HECW2: variants seen among roughly 807,000 people sequenced by gnomAD.
The protein encoded by HECW2 is HECT, C2 and WW domain containing E3 ubiquitin protein ligase 2.
A neutral mutation model predicts 175.2 loss-of-function variants in HECW2; 61 were observed. The ratio of observed to expected loss-of-function variants is 0.35; its 90% CI spans 0.28 to 0.43. The LOEUF is 0.43. Among genes scored for constraint, HECW2 ranks in the 20% least tolerant of loss-of-function variants. The pLI, the probability that HECW2 is intolerant of heterozygous loss-of-function variation, is 1.00. For missense variants in HECW2, 1,524 were observed against 2,000.5 expected (o/e 0.76, Z 4.54); for synonymous variants, 671 against 731.0 (o/e 0.92, Z 1.32).
At position 196,319,732 on chromosome 2, in the gene HECW2, G is replaced by C; in HGVS notation, c.1158C>G (p.Phe386Leu). 2.5e-6 allele frequency: 4 copies of C among 1,614,208 alleles called. No individual in the cohort carries two copies. The highest frequency in any genetic ancestry group is 3.4e-6 in the Non-Finnish European group (4 of 1,180,042). Residue 386 changes from phenylalanine to leucine, a missense_variant, in exon 9 of 29, where the codon TTC (phenylalanine) becomes TTG (leucine). Around this residue, in one of 11 missense-constraint regions of HECW2, gnomAD observed 604 missense variants for 588.3 expected, o/e 1.03. Transcript: ENST00000644978. ...SAADGTPKHS[F>L]RTSSTLEIDT... ...CTATTTCCAGAGTGGAGCTAGTCCT[G>C]AATGAATGCTTGGGGGTTCCATCGG... is the stretch of plus-strand genomic sequence containing the variant.
chr2:196,345,363 TA>T (rs1424216493), intron 2 of HECW2, among the ~76,000 whole-genome samples: 2 of 152,188 alleles, frequency 1.3e-5, no homozygotes. Context: ...TGTGCCCTGT[TA>T]AAAATACCTC....
intron 1 of HECW2, among the ~76,000 whole-genome samples, chr2:196,472,030 G>A (rs960071958): frequency 3.5e-4 from 53 of 150,004 alleles, no homozygotes; most frequent in African/African-American, 9.1e-4. Context: ...ACTTATAGAC[G>A]AATGGATATA....
At chr2:196,432,705 A>G (rs765158872) in intron 2 of HECW2, among the ~76,000 whole-genome samples, 1 of 152,190 alleles carries the variant, frequency 6.6e-6, no homozygotes, top group Non-Finnish European at 1.5e-5. Context: ...CAAAACTCAA[A>G]TTTTAGAAAA....
intron 21 of HECW2, among the ~76,000 whole-genome samples, chr2:196,231,155 T>A (rs1278598467): frequency 4.1e-5 from 6 of 148,142 alleles, no homozygotes; most frequent in Non-Finnish European, 8.9e-5. Context: ...GATTAAAATT[T>A]CACTTTTTGA....
intron 2 of HECW2, among the ~76,000 whole-genome samples, chr2:196,392,324 T>A (rs1368670532): frequency 2.0e-5 from 3 of 152,166 alleles, no homozygotes; most frequent in African/African-American, 4.8e-5. Context: ...CTATGCAGCT[T>A]CCACTATTCA....
At chr2:196,317,536 G>A (rs1420585910) in intron 9 of HECW2, among the ~76,000 whole-genome samples, 167 bp from the exon 10 acceptor site, 1 of 152,136 alleles carries the variant, frequency 6.6e-6, no homozygotes, top group Non-Finnish European at 1.5e-5. Context: ...GGAGGTGAAT[G>A]CTTAGAAGAG....
intron 2 of HECW2, among the ~76,000 whole-genome samples, chr2:196,346,951 T>G (rs1337153859): frequency 3.5e-5 from 5 of 141,140 alleles, no homozygotes; most frequent in African/African-American, 5.4e-5. Context: ...GAGTTTGCAG[T>G]GAGCCGAGAT....
At chr2:196,419,702 G>T (rs1695356721) in intron 2 of HECW2, among the ~76,000 whole-genome samples, 1 of 152,192 alleles carries the variant, frequency 6.6e-6, no homozygotes, top group Admixed American at 6.5e-5. Context: ...GTTTGTTGGG[G>T]ATGTGTGTAG....
chr2:196,420,402 C>A (rs896102336), intron 2 of HECW2, among the ~76,000 whole-genome samples: 2 of 152,156 alleles, frequency 1.3e-5, no homozygotes, highest in Admixed American at 1.3e-4. Flanking sequence ...TCAAAGATTG[C>A]AAGCGTAAGA....
chr2:196,358,944 A>C (rs1407566881), intron 2 of HECW2, among the ~76,000 whole-genome samples: 1 of 152,172 alleles, frequency 6.6e-6, no homozygotes, highest in Non-Finnish European at 1.5e-5. Flanking sequence ...AAGGTCACTC[A>C]AAGCTTAAAA....
At position 196,482,297 on chromosome 2, in the gene HECW2, G is replaced by A. The variant is rs187071696; in HGVS notation, c.-35-48839C>T. 7.5e-4 allele frequency among the ~76,000 whole-genome samples: 115 copies of A among 152,326 alleles called. 1 individual carries two copies. The highest frequency in any genetic ancestry group is 2.5e-3 in the African/African-American group (104 of 41,574). ...CCCTTCTGCAAGTTATTGGACTGAC[G>A]GTGCCAACCCAGAGGTGGCGGGCCT... On this transcript the variant is annotated intron_variant, in intron 1 of 28. Transcript: ENST00000644978.
At chr2:196,459,014 A>G (rs1696629857) in intron 1 of HECW2, among the ~76,000 whole-genome samples, 1 of 152,242 alleles carries the variant, frequency 6.6e-6, no homozygotes, top group African/African-American at 2.4e-5. Flanking sequence ...ATAAGGAATG[A>G]TTTGGTCCAT....
At chr2:196,566,133 A>C (rs1485912718) in intron 1 of HECW2, among the ~76,000 whole-genome samples, 1 of 152,150 alleles carries the variant, frequency 6.6e-6, no homozygotes, top group Non-Finnish European at 1.5e-5. Flanking sequence ...GGAAAAAAAA[A>C]ACTAACTAAA....
intron 1 of HECW2, among the ~76,000 whole-genome samples, chr2:196,573,840 T>C (rs1177887234): frequency 6.6e-6 from 1 of 151,036 alleles, no homozygotes; most frequent in Non-Finnish European, 1.5e-5. Flanking sequence ...ATAATATACA[T>C]AGAAAACCCT....
intron 21 of HECW2, among the ~76,000 whole-genome samples, chr2:196,236,582 T>A (rs968440362): frequency 6.6e-6 from 1 of 152,238 alleles, no homozygotes; most frequent in African/African-American, 2.4e-5. Context: ...GAAACCACAT[T>A]ACATTTAATT....
intron 1 of HECW2, among the ~76,000 whole-genome samples, chr2:196,467,564 T>C (rs1431358023): frequency 6.6e-6 from 1 of 152,196 alleles, no homozygotes; most frequent in Non-Finnish European, 1.5e-5. Flanking sequence ...TGACTCTTCT[T>C]AGGGAACCCT....
At chr2:196,378,795 A>G (rs559155138) in intron 2 of HECW2, among the ~76,000 whole-genome samples, 1 of 152,338 alleles carries the variant, frequency 6.6e-6, no homozygotes, top group South Asian at 2.1e-4. Context: ...AGAAAATAAT[A>G]TATTTGAAAA....
chr2:196,441,090 G>C (rs1199362444), intron 1 of HECW2, among the ~76,000 whole-genome samples: 1 of 152,142 alleles, frequency 6.6e-6, no homozygotes, highest in East Asian at 1.9e-4. Context: ...AAAACCAGCA[G>C]ATTTTGTTCA....
At chr2:196,274,725 G>A (rs755218031) in intron 15 of HECW2, among the ~76,000 whole-genome samples, 6 of 152,202 alleles carry the variant, frequency 3.9e-5, no homozygotes, top group Non-Finnish European at 5.9e-5. Context: ...GTGCTAATAG[G>A]AGCAGGTGTG....
Sources: allele counts gnomAD v4.1 joint callset (sites outside exome capture counted in the v4.1 genomes callset), GRCh38; gene constraint gnomAD v4.1.1; regional missense constraint gnomAD v4.1.1; transcripts MANE v1.5; gene names NCBI Gene and HGNC (gene_info 2026-07-23, HGNC 2026-07-21).